The following ULK1 variants were observed in gnomAD, a reference collection of about 807,000 sequenced individuals.
The protein encoded by ULK1 is unc-51 like autophagy activating kinase 1.
A neutral mutation model predicts 117.5 loss-of-function variants in ULK1; 48 were observed. The observed-to-expected ratio is 0.41, with a 90% CI of 0.32 to 0.52. The LOEUF is 0.52. Ranked by LOEUF, ULK1 falls within the 20% of genes least tolerant of loss-of-function variation. The pLI is 0.29. For missense variants in ULK1, 1,387 were observed against 1,473.4 expected (o/e 0.94, Z 0.96); for synonymous variants, 790 against 637.8 (o/e 1.24, Z -3.60).
intron 12 of ULK1, 75 bp downstream of exon 12, chr12:131,910,875 C>T (rs1889504884): frequency 5.7e-6 from 9 of 1,586,968 alleles, no homozygotes; most frequent in East Asian, 4.5e-5. Context: ...TGGGCCCCCG[C>T]GGGGACGTGC....
chr12:131,919,349 G>A lies in ULK1; in HGVS notation c.2649G>A (p.Val883=). 8 of 1,568,492 alleles carry A rather than the reference G, an allele frequency of 5.1e-6. No individual in the cohort carries two copies. The highest frequency in any genetic ancestry group is 6.9e-6 in the Non-Finnish European group (8 of 1,157,738). The part of the protein sequence containing the change: ...GPEYQLQESV[V]ADQISLLSRE... ...AGTACCAGCTGCAGGAGAGTGTGGT[G>A]GCCGACCAGATCAGCCTGCTGAGCC... The change falls in exon 24 of 28, where the codon GTG becomes GTA. Residue 883 remains valine (V), a synonymous_variant. Coordinates refer to ENST00000321867, the MANE Select transcript of ULK1 (RefSeq NM_003565.4).
chr12:131,900,664 A>G (rs1889049908), intron 3 of ULK1, among the ~76,000 whole-genome samples: 1 of 152,250 alleles, frequency 6.6e-6, no homozygotes, highest in Non-Finnish European at 1.5e-5. Context: ...GCCATCTGAC[A>G]GGTTCCTTGC....
At position 131,916,108 on chromosome 12, in the gene ULK1, C is replaced by G. The variant is rs77188001; in HGVS notation, c.1827C>G (p.Pro609=). Residue 609 remains proline (P), a synonymous_variant, in exon 19 of 28, where the codon CCC becomes CCG. Transcript: ENST00000321867. The part of the protein sequence containing the change: ...CRNLRGSPKL[P]DFLQRNPLPP... ...ACCTGCGGGGCTCACCCAAGCTGCCCGACTTCCTGCAGCGAAACCCCCTGC... is the reference window on the plus strand; with the variant it reads ...ACCTGCGGGGCTCACCCAAGCTGCCGGACTTCCTGCAGCGAAACCCCCTGC... The G allele has an allele frequency of 1.2e-6, 2 of 1,612,596 alleles. No individual in the cohort carries two copies. The highest frequency in any genetic ancestry group is 1.7e-6 in the Non-Finnish European group (2 of 1,179,878).
At position 131,917,460 on chromosome 12, in the gene ULK1, G is replaced by A. The variant is rs759944972; in HGVS notation, c.2232G>A (p.Gly744=). Residue 744 remains glycine, a synonymous_variant, in exon 22 of 28, where the codon GGG becomes GGA. Coordinates refer to ENST00000321867, the MANE Select transcript of ULK1 (RefSeq NM_003565.4). The part of the protein sequence containing the change: ...GGSLHPGARA[G]GTSSPSPVVF... ...GCCTGCACCCAGGAGCCCGTGCTGG[G>A]GGCACCAGCAGCCCTTCCCCGGTGG... The A allele has an allele frequency of 9.8e-6, 15 of 1,531,714 alleles. No individual in the cohort carries two copies. Among genetic ancestry groups the A allele is most frequent in the South Asian group, 7.4e-5 (6 of 81,498 alleles). 94.9% of individuals were successfully genotyped at this position (1,531,714 alleles called of 1,614,324 possible).
chr12:131,917,048 A>G lies in ULK1; in HGVS notation c.2168A>G (p.Lys723Arg), dbSNP rs1889824938. The change falls in exon 21 of 28, where the codon AAG becomes AGG. Residue 723 changes from lysine to arginine, a missense_variant. Coordinates refer to ENST00000321867, the MANE Select transcript of ULK1 (RefSeq NM_003565.4). ...GGCAGCACGGAGAGCCTGCAGGAGA[A>G]GCCCATGGAGATCGGTGTGTGGGTG... ...DPGSTESLQEKPMEIAPSAGF... is the reference protein window; with the variant it reads ...DPGSTESLQERPMEIAPSAGF... The G allele has an allele frequency of 7.5e-7, 1 of 1,326,900 alleles. No homozygotes were observed. The highest frequency in any genetic ancestry group is 9.9e-7 in the Non-Finnish European group (1 of 1,012,016). 82.2% of individuals were successfully genotyped at this position (1,326,900 alleles called of 1,614,324 possible).
intron 26 of ULK1, chr12:131,920,790 C>G: frequency 2.6e-6 from 1 of 379,804 alleles, no homozygotes; most frequent in East Asian, 4.1e-5. Flanking sequence ...AGTCAGCCTC[C>G]CTCCTGCCCC....
Position 131,915,180 on chromosome 12 carries a change from G to T in ULK1, c.1471G>T (p.Ala491Ser). The change falls in exon 17 of 28, where the codon GCC becomes TCC. Residue 491 changes from alanine to serine, a missense_variant. Ala to Ser is a moderately conservative substitution (Grantham distance 99). Coordinates refer to ENST00000321867, the MANE Select transcript of ULK1 (RefSeq NM_003565.4). ...PAHAEHGGVL[A>S]RKMSLGGGRP... ...CCACGCTGAGCATGGAGGCGTCCTG[G>T]CCAGGAAGATGTCTCTGGGTGGAGG... is the stretch of plus-strand genomic sequence containing the variant. The T allele has an allele frequency of 6.2e-7, 1 of 1,601,948 alleles. No individual in the cohort carries two copies.
intron 22 of ULK1, among the ~76,000 whole-genome samples, 197 bp downstream of exon 22, chr12:131,917,751 C>T (rs1442345038): frequency 6.6e-6 from 1 of 152,168 alleles, no homozygotes; most frequent in Non-Finnish European, 1.5e-5. Context: ...TGGTATCCAC[C>T]CCTCAGACCA....
In ULK1 at chr12:131,914,403, A is replaced by G. The variant is rs1889681056; in HGVS notation, c.1299A>G (p.Pro433=). The change falls in exon 16 of 28, where the codon CCA becomes CCG. Residue 433 remains proline, a synonymous_variant. Transcript: ENST00000321867. ...SSRCGASVPI[P]VPTQVQNYQR... Reference sequence around the variant, plus strand: ...GGTGCGGCGCCTCTGTCCCCATCCCAGTCCCCACGCAGGTGCAGAACTACC... The same window carrying G: ...GGTGCGGCGCCTCTGTCCCCATCCCGGTCCCCACGCAGGTGCAGAACTACC... The G allele has an allele frequency of 1.2e-6, 2 of 1,612,524 alleles. No homozygotes were observed. Among genetic ancestry groups the G allele is most frequent in the African/African-American group, 2.7e-5 (2 of 74,934 alleles).
At chr12:131,919,921 A>T in intron 25 of ULK1, 58 bp from the exon 26 acceptor site, 2 of 1,581,690 alleles carry the variant, frequency 1.3e-6, no homozygotes, top group Non-Finnish European at 1.7e-6. Context: ...GATCATGGCC[A>T]CTCCAGCCCT....
At chr12:131,916,734 G>C in intron 20 of ULK1, 143 bp downstream of exon 20, 1 of 1,214,410 alleles carries the variant, frequency 8.2e-7, no homozygotes, top group Non-Finnish European at 1.1e-6. Context: ...CTGGGTGCCA[G>C]AGAGCCTGGC....
intron 3 of ULK1, among the ~76,000 whole-genome samples, chr12:131,900,654 G>A (rs545043766): frequency 2.6e-5 from 4 of 152,362 alleles, no homozygotes; most frequent in South Asian, 4.1e-4. Flanking sequence ...TGGCCAGCAC[G>A]CCATCTGACA....
At chr12:131,906,830 G>A in intron 3 of ULK1, 62 bp from the exon 4 acceptor site, 1 of 1,609,620 alleles carries the variant, frequency 6.2e-7, no homozygotes, top group East Asian at 2.2e-5. Context: ...GGCTGAGCCA[G>A]ACTCCCTGCA....
At chr12:131,915,731 C>T (rs1414610453) in intron 18 of ULK1, among the ~76,000 whole-genome samples, 160 bp from the exon 19 acceptor site, 5 of 152,102 alleles carry the variant, frequency 3.3e-5, no homozygotes, top group Non-Finnish European at 5.9e-5. Context: ...ATCATACCAC[C>T]GCACTCCAGC....
chr12:131,912,018 G>A lies in ULK1; in HGVS notation c.1025G>A (p.Arg342Gln), dbSNP rs761771256. 2.0e-5 allele frequency: 33 copies of A among 1,612,734 alleles called. No homozygotes were observed. Among genetic ancestry groups the A allele is most frequent in the Middle Eastern group, 1.6e-4 (1 of 6,080 alleles). The part of the protein sequence containing the change: ...ADTAGFLHSS[R>Q]DSGGSKDSSC... ...ACCGCTGGCTTCCTGCACAGCTCCCGGGACTCTGGTGGCAGCAAGGACTCT... is the reference window on the plus strand; with the variant it reads ...ACCGCTGGCTTCCTGCACAGCTCCCAGGACTCTGGTGGCAGCAAGGACTCT... Residue 342 changes from arginine (R) to glutamine (Q), a missense_variant, in exon 13 of 28, where the codon CGG becomes CAG. By Grantham distance (43) the Arg-to-Gln change is conservative. This residue lies in a region of ULK1 where 260 missense variants were observed against 271.6 expected (regional missense o/e 0.96). Coordinates refer to ENST00000321867, the MANE Select transcript of ULK1 (RefSeq NM_003565.4).
intron 1 of ULK1, among the ~76,000 whole-genome samples, 197 bp downstream of exon 1, chr12:131,895,309 G>T (rs1888822369): frequency 7.0e-6 from 1 of 142,470 alleles, no homozygotes; most frequent in Non-Finnish European, 1.5e-5. Flanking sequence ...CCCGCCCCGA[G>T]ATCCGCTGCC....
intron 16 of ULK1, among the ~76,000 whole-genome samples, chr12:131,914,846 G>A (rs987073821): frequency 2.0e-5 from 3 of 152,146 alleles, no homozygotes; most frequent in African/African-American, 7.2e-5. Context: ...TTGGCACCCC[G>A]GGCAGGAAAG....
In ULK1 at chr12:131,913,825, C is replaced by T. The variant is rs140889701; in HGVS notation, c.1236C>T (p.Pro412=). The change falls in exon 15 of 28, where the codon CCC becomes CCT. Residue 412 remains proline, a synonymous_variant. Transcript: ENST00000321867. ...CATCCCCACCCTGCAGCAGCTCCCC[C>T]AGTCCCTCAGGGTAAGCAGGGCCCC... ...PSPSPPCSSS[P]SPSGRAGPFS... 130 of 1,552,416 alleles carry T rather than the reference C, an allele frequency of 8.4e-5. No individual in the cohort carries two copies. Among genetic ancestry groups the T allele is most frequent in the Non-Finnish European group, 1.1e-4 (128 of 1,149,218 alleles).
At chr12:131,904,216 C>T (rs923823074) in intron 3 of ULK1, among the ~76,000 whole-genome samples, 1 of 152,184 alleles carries the variant, frequency 6.6e-6, no homozygotes, top group Admixed American at 6.5e-5. Context: ...GCACGATCTC[C>T]CGGCTCACTG....
Sources: gnomAD v4.1 joint callset for allele counts (sites outside exome capture counted in the v4.1 genomes callset) on GRCh38, gnomAD v4.1.1 for gene constraint, gnomAD v4.1.1 regional missense constraint, MANE v1.5 for transcripts, NCBI Gene and HGNC (gene_info 2026-07-23, HGNC 2026-07-21) for gene names.